The following EMSY variants were observed in gnomAD, a reference collection of about 807,000 sequenced individuals.
The protein encoded by EMSY is EMSY transcriptional repressor, BRCA2 interacting, also known as BRCA2-interacting transcriptional repressor EMSY.
EMSY carries 26 observed loss-of-function variants against 134.6 expected under a neutral mutation model. That is an observed-to-expected ratio of 0.19 (90% CI 0.14 to 0.27). The LOEUF is 0.27. Ranked by LOEUF, EMSY falls within the 10% of genes least tolerant of loss-of-function variation. The probability of loss-of-function intolerance (pLI) is 1.00; values close to 1 mark genes in which losing one functional copy is unlikely to be tolerated. For synonymous variants in EMSY, 579 were observed against 577.8 expected, an observed-to-expected ratio of 1.00 and a Z score of -0.03; for missense variants, 1,305 against 1,611.4, an observed-to-expected ratio of 0.81 and a Z score of 3.26.
rs572547696 is a variant in EMSY at position 76,451,747 on chromosome 11, A to G, written c.71-111A>G. On this transcript the variant is annotated intron_variant, in intron 2 of 20. Transcript: ENST00000334736. ...AAAATTTTTGAAAGGAATTTAAAAC[A>G]ATATTTTTATTTAATTATTTTTAGT... 350 of 513,686 alleles carry G rather than the reference A, an allele frequency of 6.8e-4. 2 individuals carry two copies. Among genetic ancestry groups the G allele is most frequent in the African/African-American group, 5.3e-3 (264 of 49,946 alleles). 31.8% of individuals were successfully genotyped at this position (513,686 alleles called of 1,614,324 possible).
intron 8 of EMSY, among the ~76,000 whole-genome samples, chr11:76,480,562 G>T (rs1467978878): frequency 6.6e-6 from 1 of 152,146 alleles, no homozygotes; most frequent in Non-Finnish European, 1.5e-5. Context: ...CAGCCATGCG[G>T]CCAAGGTATC....
intron 11 of EMSY, among the ~76,000 whole-genome samples, chr11:76,517,307 C>G (rs1950481756): frequency 6.6e-6 from 1 of 152,060 alleles, no homozygotes; most frequent in African/African-American, 2.4e-5. Context: ...GTGAGAAAAT[C>G]CGATGTTTGC....
exon 19 of EMSY, chr11:76,544,262 T>A: frequency 1.9e-6 from 3 of 1,608,790 alleles, no homozygotes; most frequent in Non-Finnish European, 2.6e-6. Flanking sequence ...TACTTAGGCA[T>A]TAAGCAGTCA....
intron 14 of EMSY, among the ~76,000 whole-genome samples, chr11:76,533,634 TAGG>T (rs1163882657): frequency 6.6e-6 from 1 of 152,142 alleles, no homozygotes; most frequent in Non-Finnish European, 1.5e-5. Context: ...AATAGAGACA[TAGG>T]AGATATTCTT....
chr11:76,449,207 A>G (rs1590762033), intron 2 of EMSY, among the ~76,000 whole-genome samples: 1 of 152,314 alleles, frequency 6.6e-6, no homozygotes, highest in Non-Finnish European at 1.5e-5. Flanking sequence ...ATTCAACTAA[A>G]TTTGAGGTAT....
intron 11 of EMSY, among the ~76,000 whole-genome samples, chr11:76,517,318 C>G (rs920061188): frequency 1.3e-5 from 2 of 152,110 alleles, no homozygotes; most frequent in African/African-American, 2.4e-5. Context: ...CGATGTTTGC[C>G]AGACTGAGGA....
At chr11:76,533,239 G>A (rs1951106089) in intron 14 of EMSY, among the ~76,000 whole-genome samples, 1 of 152,122 alleles carries the variant, frequency 6.6e-6, no homozygotes, top group Non-Finnish European at 1.5e-5. Flanking sequence ...GGTGGAGACA[G>A]GATTTATCAT....
intron 16 of EMSY, among the ~76,000 whole-genome samples, chr11:76,538,193 A>T (rs1206777545): frequency 6.6e-6 from 1 of 152,232 alleles, no homozygotes; most frequent in Non-Finnish European, 1.5e-5. Context: ...AACTGTGAAT[A>T]TACAGCAACA....
At chr11:76,516,015 G>A in intron 10 of EMSY, 127 bp from the exon 12 acceptor site, 2 of 765,470 alleles carry the variant, frequency 2.6e-6, no homozygotes, top group Non-Finnish European at 4.0e-6. Flanking sequence ...TTAATGTCTT[G>A]ACACCTTGAA....
At chr11:76,538,088 C>T in intron 16 of EMSY, 138 bp downstream of exon 17, 1 of 729,964 alleles carries the variant, frequency 1.4e-6, no homozygotes, top group East Asian at 3.1e-5. Context: ...TTCACACCAT[C>T]CTTGGGATTT....
At chr11:76,480,317 A>T (rs1414752696) in intron 8 of EMSY, among the ~76,000 whole-genome samples, 1 of 152,198 alleles carries the variant, frequency 6.6e-6, no homozygotes, top group Non-Finnish European at 1.5e-5. Flanking sequence ...TTAAGGAGTG[A>T]ATTTCTTACC....
chr11:76,530,191 C>T (rs1248397263), intron 14 of EMSY, among the ~76,000 whole-genome samples: 3 of 128,338 alleles, frequency 2.3e-5, no homozygotes, highest in African/African-American at 9.2e-5. Context: ...TAGAGTTTCA[C>T]TCTTGTTGCC....
chr11:76,551,406 A>G (rs1951832128), exon 21 of EMSY: 1 of 152,790 alleles, frequency 6.5e-6, no homozygotes, highest in Non-Finnish European at 1.5e-5. Flanking sequence ...CTGTACATAC[A>G]TTTATCAGCA....
chr11:76,548,868 T>TC (rs1250442185), intron 20 of EMSY, among the ~76,000 whole-genome samples: 6 of 152,230 alleles, frequency 3.9e-5, no homozygotes, highest in African/African-American at 1.2e-4. Context: ...CTGGGGTTTT[T>TC]AATGTTAAAA....
chr11:76,460,004 G>C, exon 6 of EMSY: 4 of 1,614,164 alleles, frequency 2.5e-6, no homozygotes, highest in Non-Finnish European at 3.4e-6. Flanking sequence ...TGGCAGCATA[G>C]CAACGGTTAA....
At chr11:76,477,458 C>A (rs1948814782) in intron 8 of EMSY, among the ~76,000 whole-genome samples, 1 of 151,836 alleles carries the variant, frequency 6.6e-6, no homozygotes, top group South Asian at 2.1e-4. Flanking sequence ...GATAGGTAAT[C>A]TTTTTAATTT....
chr11:76,505,964 C>T (rs1390206676), intron 9 of EMSY, among the ~76,000 whole-genome samples: 1 of 151,942 alleles, frequency 6.6e-6, no homozygotes, highest in Non-Finnish European at 1.5e-5. Flanking sequence ...AGGTGTTCGA[C>T]ACCAGTCTGG....
chr11:76,516,331 T>A lies in EMSY; in HGVS notation c.1684+19T>A, dbSNP rs1950448589. On this transcript the variant is annotated intron_variant, in intron 11 of 20. Transcript: ENST00000334736. Reference sequence around the variant, plus strand: ...GTTTCTGGTAGGTATATCTGAAATATGTTAAAGGTATAGGTGGCCTTCATT... The same window carrying A: ...GTTTCTGGTAGGTATATCTGAAATAAGTTAAAGGTATAGGTGGCCTTCATT... 6.3e-7 allele frequency: 1 copy of A among 1,576,800 alleles called. No homozygotes were observed. Among genetic ancestry groups the A allele is most frequent in the Non-Finnish European group, 8.7e-7 (1 of 1,151,746 alleles).
At chr11:76,452,359 T>C (rs1366414174) in intron 3 of EMSY, among the ~76,000 whole-genome samples, 1 of 152,156 alleles carries the variant, frequency 6.6e-6, no homozygotes, top group East Asian at 1.9e-4. Context: ...TTTACATAAA[T>C]GGGTAGTGAT....
Sources: allele counts gnomAD v4.1 joint callset (sites outside exome capture counted in the v4.1 genomes callset), GRCh38; gene constraint gnomAD v4.1.1; transcripts MANE v1.5; gene names NCBI Gene and HGNC (gene_info 2026-07-23, HGNC 2026-07-21).